PLCB1: variants seen among roughly 807,000 people sequenced by gnomAD.
The protein encoded by PLCB1 is phospholipase C beta 1.
PLCB1 carries 46 observed loss-of-function variants against 161.8 expected under a neutral mutation model. The observed-to-expected ratio is 0.28, with a 90% CI of 0.22 to 0.36. The LOEUF (loss-of-function observed/expected upper bound fraction) is 0.36, where lower values mean the gene tolerates loss of function less well. Among genes scored for constraint, PLCB1 ranks in the 10% least tolerant of loss-of-function variants. The pLI is 1.00. For missense variants in PLCB1, 1,016 were observed against 1,472.5 expected (o/e 0.69, Z 5.07); for synonymous variants, 517 against 503.7 (o/e 1.03, Z -0.35).
rs532591938 is a variant in PLCB1, at chr20:8,644,372, TC to T, written c.385-1727del. 5.9e-3 allele frequency among the ~76,000 whole-genome samples: 736 copies of T among 124,302 alleles called. 19 individuals carry two copies. Among genetic ancestry groups the T allele is most frequent in the African/African-American group, 0.024 (704 of 29,060 alleles). 81.5% of individuals were successfully genotyped at this position (124,302 alleles called of 152,430 possible). A position where few individuals can be genotyped will look rare whatever the true frequency, so the allele number is the denominator to read the frequency against. ...GAGGAGCGCCTCTTCCCGGCCGCCA[TC>T]CCATCTAGGAAGTGAGGAGCGTCTC... On this transcript the variant is annotated intron_variant, in intron 4 of 31. Transcript: ENST00000338037.
chr20:8,684,863 A>AG, intron 9 of PLCB1, 69 bp from the exon 10 acceptor site: 1 of 1,302,692 alleles, frequency 7.7e-7, no homozygotes, highest in South Asian at 1.4e-5. Context: ...TGGAAAAAAA[A>AG]AAAAAAAGAG....
intron 2 of PLCB1, among the ~76,000 whole-genome samples, chr20:8,300,953 T>C (rs2662992): frequency 0.016 from 2,466 of 152,244 alleles, 74 homozygotes; most frequent in African/African-American, 0.057. Context: ...AGGCCTCTGG[T>C]TTCATTGAGC....
intron 31 of PLCB1, among the ~76,000 whole-genome samples, chr20:8,834,442 C>T (rs925474351): frequency 6.6e-6 from 1 of 151,686 alleles, no homozygotes; most frequent in African/African-American, 2.4e-5. Context: ...AGATTTATTG[C>T]AAGGGAATTG....
intron 2 of PLCB1, among the ~76,000 whole-genome samples, chr20:8,213,077 C>G (rs1000158227): frequency 6.6e-6 from 1 of 152,120 alleles, no homozygotes; most frequent in African/African-American, 2.4e-5. Flanking sequence ...TGAGTCTTCA[C>G]AACTCTATTG....
At chr20:8,584,943 C>T (rs900371837) in intron 3 of PLCB1, among the ~76,000 whole-genome samples, 5 of 152,200 alleles carry the variant, frequency 3.3e-5, no homozygotes, top group African/African-American at 1.2e-4. Flanking sequence ...CCTGCCTCAG[C>T]CTCCAAAAGT....
At chr20:8,626,171 C>T (rs948693013) in intron 3 of PLCB1, among the ~76,000 whole-genome samples, 1 of 114,792 alleles carries the variant, frequency 8.7e-6, no homozygotes, top group Non-Finnish European at 1.7e-5. Flanking sequence ...AAGCAAGACT[C>T]CATCTCAAAA....
intron 3 of PLCB1, among the ~76,000 whole-genome samples, chr20:8,521,617 T>C (rs1984351528): frequency 6.6e-6 from 1 of 152,080 alleles, no homozygotes. Flanking sequence ...GGTGGGAGAA[T>C]CACTTAAGCT....
intron 3 of PLCB1, among the ~76,000 whole-genome samples, chr20:8,556,278 C>T (rs1317493586): frequency 1.3e-5 from 2 of 151,884 alleles, no homozygotes; most frequent in Non-Finnish European, 2.9e-5. Flanking sequence ...AAGTACTTGC[C>T]TTCGTTTTAC....
At chr20:8,230,164 T>C (rs1979951391) in intron 2 of PLCB1, among the ~76,000 whole-genome samples, 1 of 150,676 alleles carries the variant, frequency 6.6e-6, no homozygotes, top group Non-Finnish European at 1.5e-5. Flanking sequence ...CTTAGGTGAC[T>C]CCTATGTACT....
At chr20:8,645,179 G>GC (rs1374648037) in intron 4 of PLCB1, among the ~76,000 whole-genome samples, 2 of 147,556 alleles carry the variant, frequency 1.4e-5, no homozygotes, top group African/African-American at 4.9e-5. Context: ...CATAAACACT[G>GC]CAGGGTCCTC....
At chr20:8,450,307 A>G (rs1015072678) in intron 3 of PLCB1, among the ~76,000 whole-genome samples, 6 of 152,196 alleles carry the variant, frequency 3.9e-5, no homozygotes, top group Admixed American at 6.5e-5. Context: ...TTTAATTTGA[A>G]TGGAGTATAA....
At chr20:8,625,456 A>C (rs548994029) in intron 3 of PLCB1, 9 of 152,348 alleles carry the variant, frequency 5.9e-5, no homozygotes, top group African/African-American at 2.2e-4. Flanking sequence ...AATCAAGGTT[A>C]GTGTTGATAA....
At chr20:8,537,117 G>T (rs1288788528) in intron 3 of PLCB1, among the ~76,000 whole-genome samples, 3 of 152,120 alleles carry the variant, frequency 2.0e-5, no homozygotes, top group Admixed American at 2.0e-4. Flanking sequence ...TTGACTGAGG[G>T]GCATAAGGCA....
intron 2 of PLCB1, among the ~76,000 whole-genome samples, chr20:8,283,590 A>G (rs1263641934): frequency 6.6e-6 from 1 of 151,614 alleles, no homozygotes; most frequent in Non-Finnish European, 1.5e-5. Flanking sequence ...AAATAAAAAA[A>G]TTATTTTTCA....
At chr20:8,685,229 G>A (rs981954575) in intron 10 of PLCB1, 151 bp downstream of exon 10, 21 of 694,972 alleles carry the variant, frequency 3.0e-5, no homozygotes, top group South Asian at 1.2e-4. Flanking sequence ...AAAGCCTCCC[G>A]CCTCCCATAA....
chr20:8,277,533 A>G lies in PLCB1; in HGVS notation c.178-93849A>G, dbSNP rs189264122. Reference sequence around the variant, plus strand: ...TAAATGCTACTTTAATATATTTCTTAGACTCACAGTTTTGACACTAAGTTT... The same window carrying G: ...TAAATGCTACTTTAATATATTTCTTGGACTCACAGTTTTGACACTAAGTTT... On this transcript the variant is annotated intron_variant, in intron 2 of 31. Transcript: ENST00000338037. Among the ~76,000 whole-genome samples the G allele has an allele frequency of 5.8e-4, 88 of 152,280 alleles. 1 individual carries two copies. The highest frequency in any genetic ancestry group is 4.7e-4 in the Non-Finnish European group (32 of 68,024).
At chr20:8,747,048 C>T (rs946787886) in intron 23 of PLCB1, among the ~76,000 whole-genome samples, 2 of 152,188 alleles carry the variant, frequency 1.3e-5, no homozygotes, top group Non-Finnish European at 2.9e-5. Context: ...TTCTGGTAAC[C>T]TTTAGCAAGG....
chr20:8,301,676 T>C (rs1983920325), intron 2 of PLCB1, among the ~76,000 whole-genome samples: 1 of 152,184 alleles, frequency 6.6e-6, no homozygotes, highest in South Asian at 2.1e-4. Flanking sequence ...CCCCCACCTT[T>C]CCTGACAGCC....
At chr20:8,203,080 T>C (rs1344190960) in intron 2 of PLCB1, among the ~76,000 whole-genome samples, 1 of 144,646 alleles carries the variant, frequency 6.9e-6, no homozygotes, top group African/African-American at 2.7e-5. Flanking sequence ...CATTCTGGGT[T>C]GTATGCACAC....
Sources: allele counts gnomAD v4.1 joint callset (sites outside exome capture counted in the v4.1 genomes callset), GRCh38; gene constraint gnomAD v4.1.1; transcripts MANE v1.5; gene names NCBI Gene and HGNC (gene_info 2026-07-23, HGNC 2026-07-21).